Variants in PDHX observed in about 807,000 individuals in gnomAD.
PDHX encodes the protein pyruvate dehydrogenase protein X component, mitochondrial.
Under a neutral mutation model 55.3 loss-of-function variants are expected in PDHX, and 33 were observed. The observed-to-expected ratio is 0.60, with a 90% CI of 0.45 to 0.80. PDHX has a LOEUF of 0.80. Among genes scored for constraint, PDHX ranks in the 30% least tolerant of loss-of-function variants. The pLI is 0.00. For synonymous variants in PDHX, 226 were observed against 219.4 expected (o/e 1.03, Z -0.27); for missense variants, 622 against 619.9 (o/e 1.00, Z -0.04).
intron 1 of PDHX, among the ~76,000 whole-genome samples, chr11:34,919,762 A>G (rs1338033799): frequency 1.3e-5 from 2 of 152,222 alleles, no homozygotes; most frequent in African/African-American, 2.4e-5. Context: ...TACCACTTAC[A>G]TTATTGAAGA....
intron 3 of PDHX, among the ~76,000 whole-genome samples, chr11:34,954,087 T>A (rs1854847068): frequency 6.6e-6 from 1 of 152,232 alleles, no homozygotes; most frequent in Non-Finnish European, 1.5e-5. Context: ...TGTATAATGA[T>A]TCACACCATG....
intron 3 of PDHX, among the ~76,000 whole-genome samples, chr11:34,955,997 T>C (rs1296417739): frequency 1.3e-5 from 2 of 152,114 alleles, no homozygotes; most frequent in Non-Finnish European, 2.9e-5. Context: ...CACAAGCAGG[T>C]AATTAAACAC....
intron 1 of PDHX, 110 bp from the exon 2 acceptor site, chr11:34,931,293 GA>G: frequency 1.4e-6 from 1 of 706,980 alleles, no homozygotes; most frequent in Non-Finnish European, 2.6e-6. Flanking sequence ...TTAGACTTTG[GA>G]ATACCTTCTT....
At chr11:34,993,931 T>C (rs1037624891) in intron 10 of PDHX, among the ~76,000 whole-genome samples, 1 of 152,228 alleles carries the variant, frequency 6.6e-6, no homozygotes, top group Non-Finnish European at 1.5e-5. Flanking sequence ...TTTTATAATT[T>C]TCTGTGTAGA....
intron 2 of PDHX, among the ~76,000 whole-genome samples, chr11:34,939,863 T>C (rs11032937): frequency 0.19 from 28,636 of 152,048 alleles, 3,870 homozygotes; most frequent in African/African-American, 0.39. Context: ...GTACAGAAAA[T>C]GCTCTGAAAG....
chr11:34,939,747 C>T lies in PDHX; in HGVS notation c.242-7759C>T, dbSNP rs551394230. Among the ~76,000 whole-genome samples, 14 of 151,864 alleles carry T rather than the reference C, an allele frequency of 9.2e-5. No individual in the cohort carries two copies. In the South Asian group the frequency reaches 2.1e-3, roughly 23 times the overall value. ...AGTATTATAGCATATAAATTATTTC[C>T]GTCTTTGTTGAACTCATGATTCTAA... is the stretch of plus-strand genomic sequence containing the variant. On this transcript the variant is annotated intron_variant, in intron 2 of 10. Coordinates refer to ENST00000227868, the MANE Select transcript of PDHX (RefSeq NM_003477.3).
rs1445759696 is a variant in PDHX at position 34,984,743 on chromosome 11, A to T, written c.1182+15A>T. 3 of 1,612,202 alleles carry T rather than the reference A, an allele frequency of 1.9e-6. No homozygotes were observed. The East Asian group carries it at 6.7e-5, about 36-fold the overall frequency. On this transcript the variant is annotated intron_variant, in intron 9 of 10. Coordinates refer to ENST00000227868, the MANE Select transcript of PDHX (RefSeq NM_003477.3). Reference sequence around the variant, plus strand: ...ACTCTGTAAAGGTATGTCTTAAGAAAGAGTGTGCTTTCAAAATGTTAGCAT... The same window carrying T: ...ACTCTGTAAAGGTATGTCTTAAGAATGAGTGTGCTTTCAAAATGTTAGCAT...
chr11:34,964,898 A>C (rs913410719), intron 5 of PDHX, among the ~76,000 whole-genome samples: 4 of 143,330 alleles, frequency 2.8e-5, no homozygotes, highest in Admixed American at 6.7e-5. Context: ...TATGCTAATA[A>C]GTAATAGTTA....
intron 1 of PDHX, among the ~76,000 whole-genome samples, chr11:34,919,188 A>T (rs560797713): frequency 6.6e-6 from 1 of 152,328 alleles, no homozygotes; most frequent in Non-Finnish European, 1.5e-5. Context: ...CCGAGCCAAA[A>T]TATATCCGCT....
At chr11:34,957,326 C>T in intron 3 of PDHX, 58 bp from the exon 4 acceptor site, 6 of 1,159,756 alleles carry the variant, frequency 5.2e-6, no homozygotes. Flanking sequence ...AAAGAACAAA[C>T]TACTTAATGC....
chr11:34,953,600 T>C (rs1403577096), intron 3 of PDHX, among the ~76,000 whole-genome samples: 2 of 152,248 alleles, frequency 1.3e-5, no homozygotes, highest in Non-Finnish European at 2.9e-5. Context: ...TTAAACTTGT[T>C]TTTTTAAAAT....
rs1038808465 is a variant in PDHX, at chr11:34,994,217, C to G, written c.1248-697C>G. Among the ~76,000 whole-genome samples, 9 of 152,224 alleles carry G rather than the reference C, an allele frequency of 5.9e-5. No individual in the cohort carries two copies. In the East Asian group the frequency reaches 1.7e-3, roughly 29 times the overall value. ...TACACACCTTAGCTGTATGATATAGCCAGTTGCTCCTAGACTGCAAACCTA... is the reference window on the plus strand; with the variant it reads ...TACACACCTTAGCTGTATGATATAGGCAGTTGCTCCTAGACTGCAAACCTA... On this transcript the variant is annotated intron_variant, in intron 10 of 10. Transcript: ENST00000227868.
At chr11:34,917,178 C>G (rs1272773645) in intron 1 of PDHX, among the ~76,000 whole-genome samples, 3 of 152,168 alleles carry the variant, frequency 2.0e-5, no homozygotes, top group Non-Finnish European at 4.4e-5. Flanking sequence ...CGAGAAAAAG[C>G]TGCCCAAGGT....
At position 34,931,445 on chromosome 11, in the gene PDHX, A is replaced by G. The variant is rs765643071; in HGVS notation, c.202A>G (p.Met68Val). ...ACTAATGCCATCACTGTCTCCTACA[A>G]TGGAAGAAGGAAACATTGTGAAATG... is the stretch of plus-strand genomic sequence containing the variant. ...KILMPSLSPT[M>V]EEGNIVKWLK... The change falls in exon 2 of 11, where the codon ATG (methionine) becomes GTG (valine). Residue 68 changes from methionine to valine, a missense_variant. Met to Val is a conservative substitution (Grantham distance 21). Coordinates refer to ENST00000227868, the MANE Select transcript of PDHX (RefSeq NM_003477.3). 7 of 1,607,790 alleles carry G rather than the reference A, an allele frequency of 4.4e-6. No individual in the cohort carries two copies. The highest frequency in any genetic ancestry group is 2.7e-5 in the African/African-American group (2 of 74,684).
intron 5 of PDHX, among the ~76,000 whole-genome samples, chr11:34,966,373 T>C (rs558027173): frequency 6.6e-6 from 1 of 152,314 alleles, no homozygotes; most frequent in South Asian, 2.1e-4. Context: ...ATTTCCTTTT[T>C]AAAAATCACT....
intron 8 of PDHX, among the ~76,000 whole-genome samples, chr11:34,978,860 G>T (rs1371568840): frequency 6.6e-6 from 1 of 152,160 alleles, no homozygotes; most frequent in Non-Finnish European, 1.5e-5. Context: ...TTTATTATGG[G>T]TGAGAAGGAA....
intron 3 of PDHX, among the ~76,000 whole-genome samples, chr11:34,955,036 A>G (rs535626156): frequency 1.4e-4 from 22 of 152,322 alleles, no homozygotes; most frequent in South Asian, 2.1e-4. Flanking sequence ...TGATAGAGCT[A>G]TGTGTAAAAA....
chr11:34,954,643 G>A (rs374105494), intron 3 of PDHX, among the ~76,000 whole-genome samples: 270 of 152,274 alleles, frequency 1.8e-3, no homozygotes, highest in African/African-American at 5.9e-3. Context: ...GTCCCCTGTA[G>A]TCTAATCTTG....
chr11:34,993,848 G>A (rs964335465), intron 10 of PDHX, among the ~76,000 whole-genome samples: 1 of 152,094 alleles, frequency 6.6e-6, no homozygotes, highest in Admixed American at 6.6e-5. Flanking sequence ...CATCCTTACA[G>A]TATTGAGTAT....
Sources: gnomAD v4.1 joint callset for allele counts (sites outside exome capture counted in the v4.1 genomes callset) on GRCh38, gnomAD v4.1.1 for gene constraint, MANE v1.5 for transcripts, NCBI Gene and HGNC (gene_info 2026-07-23, HGNC 2026-07-21) for gene names.